Variants in RAB3C observed in about 807,000 individuals in gnomAD.
The protein encoded by RAB3C is ras-related protein Rab-3C.
Under a neutral mutation model 26.4 loss-of-function variants are expected in RAB3C, and 17 were observed. That is an observed-to-expected ratio of 0.64 (90% confidence interval 0.44 to 0.97). The LOEUF (loss-of-function observed/expected upper bound fraction) is 0.97, where lower values mean the gene tolerates loss of function less well. Among genes scored for constraint, RAB3C ranks in the 50% least tolerant of loss-of-function variants. The pLI, the probability that RAB3C is intolerant of heterozygous loss-of-function variation, is 0.00. For missense variants in RAB3C, 242 were observed against 281.9 expected (o/e 0.86, Z 1.01); for synonymous variants, 91 against 95.9 (o/e 0.95, Z 0.30).
chr5:58,685,198 G>C (rs540500142), intron 2 of RAB3C, among the ~76,000 whole-genome samples: 96 of 152,198 alleles, frequency 6.3e-4, no homozygotes, highest in African/African-American at 2.3e-3. Context: ...CATCCACTGG[G>C]GAGTCTTGGA....
At chr5:58,672,418 C>A (rs1294214304) in intron 2 of RAB3C, among the ~76,000 whole-genome samples, 4 of 152,124 alleles carry the variant, frequency 2.6e-5, no homozygotes, top group Non-Finnish European at 4.4e-5. Context: ...TGTTAACTTG[C>A]CAAACTATTT....
intron 3 of RAB3C, among the ~76,000 whole-genome samples, chr5:58,813,048 C>G (rs1278532660): frequency 6.6e-6 from 1 of 152,106 alleles, no homozygotes; most frequent in African/African-American, 2.4e-5. Flanking sequence ...TATTCCAGTT[C>G]TGTTATATGT....
Position 58,852,903 on chromosome 5 carries a change from T to C in RAB3C, c.*1552T>C, listed in dbSNP as rs1305955697. On this transcript the variant is annotated 3_prime_UTR_variant, in exon 5 of 5. Transcript: ENST00000282878. ...AATAGAGAGGCTTCCCATGAAAGTA[T>C]TGGATGCAAATGAAACAGGCATACA... 6.6e-6 allele frequency: 1 copy of C among 152,108 alleles called. No homozygotes were observed. The highest frequency in any genetic ancestry group is 2.4e-5 in the African/African-American group (1 of 41,394). The allele number at this position is 152,108 out of a possible 1,614,324, so 9.4% of individuals were successfully genotyped here.
At chr5:58,723,181 G>A (rs1740812280) in intron 2 of RAB3C, among the ~76,000 whole-genome samples, 1 of 151,736 alleles carries the variant, frequency 6.6e-6, no homozygotes, top group African/African-American at 2.4e-5. Context: ...GGGATTGACA[G>A]ATTTTCATGT....
In RAB3C at chr5:58,768,547, A is replaced by T. The variant is rs534736779; in HGVS notation, c.371+42427A>T. 6.6e-5 allele frequency among the ~76,000 whole-genome samples: 10 copies of T among 152,248 alleles called. No homozygotes were observed. In the South Asian group the frequency reaches 2.1e-3, roughly 32 times the overall value. On this transcript the variant is annotated intron_variant, in intron 3 of 4. Transcript: ENST00000282878. ...AGAAAATAAGGCTGAATAAAGGAGT[A>T]CAGCCCAAGGACTATTTTAGATCAG...
chr5:58,813,259 A>G (rs1385011573), intron 3 of RAB3C, among the ~76,000 whole-genome samples: 2 of 152,180 alleles, frequency 1.3e-5, no homozygotes, highest in African/African-American at 2.4e-5. Context: ...TATTCATACA[A>G]TCATTATATA....
At chr5:58,805,116 T>G (rs1478500832) in intron 3 of RAB3C, among the ~76,000 whole-genome samples, 3 of 152,168 alleles carry the variant, frequency 2.0e-5, no homozygotes, top group Admixed American at 2.0e-4. Flanking sequence ...ATTTATTCAA[T>G]TATAAACTAA....
intron 4 of RAB3C, among the ~76,000 whole-genome samples, chr5:58,832,796 C>T (rs9292179): frequency 0.17 from 25,526 of 152,048 alleles, 2,338 homozygotes; most frequent in Non-Finnish European, 0.21. Flanking sequence ...GGGATCTAAG[C>T]CTGGAAAAGT....
intron 3 of RAB3C, among the ~76,000 whole-genome samples, chr5:58,732,329 T>C (rs1241070879): frequency 2.6e-5 from 4 of 151,950 alleles, no homozygotes. Flanking sequence ...ATATATTATA[T>C]AGCTCTCATT....
chr5:58,795,252 C>G (rs949553410), intron 3 of RAB3C, among the ~76,000 whole-genome samples: 1 of 152,174 alleles, frequency 6.6e-6, no homozygotes, highest in Admixed American at 6.5e-5. Context: ...AACTGTTAGT[C>G]AATTAAACCT....
chr5:58,830,297 G>A (rs1743584700), intron 4 of RAB3C, among the ~76,000 whole-genome samples: 1 of 152,146 alleles, frequency 6.6e-6, no homozygotes, highest in African/African-American at 2.4e-5. Context: ...TCTGGAAGTG[G>A]AAGGTAGTGC....
chr5:58,688,242 C>T (rs549179891), intron 2 of RAB3C, among the ~76,000 whole-genome samples: 1 of 152,188 alleles, frequency 6.6e-6, no homozygotes, highest in East Asian at 1.9e-4. Context: ...AGATGCTCCT[C>T]ATAGCTCAAG....
intron 1 of RAB3C, among the ~76,000 whole-genome samples, chr5:58,617,072 C>T (rs982181079): frequency 6.6e-6 from 1 of 152,062 alleles, no homozygotes; most frequent in African/African-American, 2.4e-5. Context: ...AAGTTAGTAT[C>T]CGGCACATTG....
chr5:58,629,599 A>G (rs1244794547), intron 2 of RAB3C, among the ~76,000 whole-genome samples: 1 of 152,218 alleles, frequency 6.6e-6, no homozygotes, highest in Non-Finnish European at 1.5e-5. Flanking sequence ...GCATTTTGGC[A>G]GAGACTCAAA....
At chr5:58,602,797 T>C (rs1746484319) in intron 1 of RAB3C, among the ~76,000 whole-genome samples, 3 of 152,204 alleles carry the variant, frequency 2.0e-5, no homozygotes, top group Admixed American at 6.5e-5. Context: ...CATTCTGCGA[T>C]TCTGTATCTT....
chr5:58,597,220 T>TATA (rs563981787), intron 1 of RAB3C, among the ~76,000 whole-genome samples: 226 of 3,016 alleles, frequency 0.075, 10 homozygotes, highest in African/African-American at 0.12. Flanking sequence ...ATAAATATTA[T>TATA]ATAATATATA....
chr5:58,725,020 T>A (rs1183019075), intron 2 of RAB3C, among the ~76,000 whole-genome samples: 1 of 151,908 alleles, frequency 6.6e-6, no homozygotes, highest in East Asian at 1.9e-4. Flanking sequence ...TGCGCTTAAT[T>A]TTACCAGTGG....
chr5:58,685,901 G>T (rs979104182), intron 2 of RAB3C, among the ~76,000 whole-genome samples: 3 of 152,190 alleles, frequency 2.0e-5, no homozygotes, highest in Non-Finnish European at 4.4e-5. Flanking sequence ...GTTCAATATG[G>T]CAGTAGCATA....
chr5:58,695,636 C>T (rs2111868040), intron 2 of RAB3C, among the ~76,000 whole-genome samples: 1 of 152,284 alleles, frequency 6.6e-6, no homozygotes, highest in South Asian at 2.1e-4. Flanking sequence ...AGAGGTCCTT[C>T]ACATCCCTTG....
Sources: allele counts gnomAD v4.1 joint callset (sites outside exome capture counted in the v4.1 genomes callset), GRCh38; gene constraint gnomAD v4.1.1; transcripts MANE v1.5; gene names NCBI Gene and HGNC (gene_info 2026-07-23, HGNC 2026-07-21).